Variants in MKNK2 observed in about 807,000 individuals in gnomAD.
MKNK2 encodes the protein MAP kinase-interacting serine/threonine-protein kinase 2.
MKNK2 carries 54 observed loss-of-function variants against 55.0 expected under a neutral mutation model. The observed-to-expected ratio is 0.98, with a 90% CI of 0.79 to 1.23. MKNK2 has a LOEUF of 1.23. Among genes scored for constraint, MKNK2 ranks in the 50% most tolerant of loss-of-function variants. The pLI is 0.00. For synonymous variants in MKNK2, 323 were observed against 256.0 expected (o/e 1.26, Z -2.50); for missense variants, 685 against 632.1 (o/e 1.08, Z -0.90).
At chr19:2,049,341 C>T (rs1599386876) in intron 2 of MKNK2, among the ~76,000 whole-genome samples, 3 of 152,336 alleles carry the variant, frequency 2.0e-5, no homozygotes, top group African/African-American at 7.2e-5. Flanking sequence ...GAGGTGGCCC[C>T]AATCCAGGGA....
intron 8 of MKNK2, 27 bp from the exon 9 acceptor site, chr19:2,042,689 CG>C (rs758257789): frequency 1.3e-5 from 21 of 1,556,680 alleles, no homozygotes; most frequent in Non-Finnish European, 1.8e-5. Context: ...AGAACCACGA[CG>C]GGGTGAGGGT....
At chr19:2,050,775 G>GC in intron 2 of MKNK2, 26 bp downstream of exon 2, 1 of 1,530,822 alleles carries the variant, frequency 6.5e-7, no homozygotes, top group Non-Finnish European at 8.8e-7. Flanking sequence ...AGCCCGGAGC[G>GC]CCCCCAAACC....
chr19:2,041,924 G>A lies in MKNK2; in HGVS notation c.861C>T (p.Ile287=), dbSNP rs760426883. 79 of 1,551,140 alleles carry A rather than the reference G, an allele frequency of 5.1e-5. No individual in the cohort carries two copies. In the East Asian group the frequency reaches 1.5e-3, roughly 30 times the overall value. ...CGAAGGGCGGGTAGCCGCTGAGTAG[G>A]ATATACAAGATGACGCCCAGGCTCC... is the stretch of plus-strand genomic sequence containing the variant. ...DLWSLGVILY[I]LLSGYPPFVG... is the part of the protein sequence containing the mutation. The change falls in exon 11 of 14, where the codon ATC becomes ATT. Residue 287 remains isoleucine, a synonymous_variant. Coordinates refer to ENST00000250896, the MANE Select transcript of MKNK2 (RefSeq NM_199054.3).
intron 2 of MKNK2, among the ~76,000 whole-genome samples, chr19:2,049,867 C>T (rs2017075523): frequency 1.3e-5 from 2 of 152,160 alleles, no homozygotes; most frequent in African/African-American, 4.8e-5. Flanking sequence ...CTTTGCTCCT[C>T]CCACCCTGGA....
chr19:2,039,671 C>A lies in MKNK2; in HGVS notation c.1340G>T (p.Arg447Leu), dbSNP rs769796912. The A allele has an allele frequency of 3.1e-6, 5 of 1,613,096 alleles. No individual in the cohort carries two copies. The highest frequency in any genetic ancestry group is 1.1e-5 in the South Asian group (1 of 91,078). The change falls in exon 14 of 14, where the codon CGG becomes CTG. Residue 447 changes from arginine to leucine, a missense_variant. Arg to Leu is a moderately radical substitution (Grantham distance 102). Coordinates refer to ENST00000250896, the MANE Select transcript of MKNK2 (RefSeq NM_199054.3). ...SPPSQSKLAQ[R>L]RQRASLSSAP... is the part of the protein sequence containing the mutation. ...CGAGGACAGACTGGCCCTTTGCCGCCGCTGCGCCAGCTTGGACTGGGAGGG... is the reference window on the plus strand; with the variant it reads ...CGAGGACAGACTGGCCCTTTGCCGCAGCTGCGCCAGCTTGGACTGGGAGGG...
intron 10 of MKNK2, 59 bp downstream of exon 10, chr19:2,042,368 G>T: frequency 6.9e-7 from 1 of 1,452,510 alleles, no homozygotes; most frequent in Non-Finnish European, 9.4e-7. Flanking sequence ...CAGGCTCCGC[G>T]AGGTTATGCA....
intron 10 of MKNK2, 155 bp downstream of exon 10, chr19:2,042,272 G>A: frequency 1.3e-6 from 1 of 788,576 alleles, no homozygotes; most frequent in Non-Finnish European, 2.0e-6. Context: ...CCTGCTCGAG[G>A]CCCCGCCGCG....
intron 11 of MKNK2, among the ~76,000 whole-genome samples, 192 bp downstream of exon 11, chr19:2,041,648 G>A (rs574480491): frequency 6.4e-4 from 97 of 152,264 alleles, no homozygotes; most frequent in Admixed American, 1.1e-3. Flanking sequence ...AGGGGTTAGG[G>A]GGAGTACAGA....
rs531744334 is a variant in MKNK2 at position 2,038,399 on chromosome 19, A to G, written c.*1214T>C. 1.4e-5 allele frequency: 14 copies of G among 985,430 alleles called. No individual in the cohort carries two copies. The East Asian group carries it at 1.6e-3, about 113-fold the overall frequency. 61.0% of individuals were successfully genotyped at this position (985,430 alleles called of 1,614,324 possible). A position where few individuals can be genotyped will look rare whatever the true frequency, so the allele number is the denominator to read the frequency against. On this transcript the variant is annotated 3_prime_UTR_variant, in exon 14 of 14. Transcript: ENST00000250896. ...TAGCCGCGCGCACTTCTAAAGTGGAACCCTGTATTGCATAGAACGTCCCCA... is the reference window on the plus strand; with the variant it reads ...TAGCCGCGCGCACTTCTAAAGTGGAGCCCTGTATTGCATAGAACGTCCCCA...
chr19:2,049,533 G>C (rs2017067992), intron 2 of MKNK2, among the ~76,000 whole-genome samples: 1 of 152,228 alleles, frequency 6.6e-6, no homozygotes, highest in Non-Finnish European at 1.5e-5. Flanking sequence ...ATCCTGGGCA[G>C]TGTGGGCGGT....
intron 2 of MKNK2, among the ~76,000 whole-genome samples, chr19:2,048,180 C>A (rs1005075331): frequency 6.6e-6 from 1 of 151,996 alleles, no homozygotes; most frequent in African/African-American, 2.4e-5. Flanking sequence ...CGCCTTGGGC[C>A]CTGGGGGCCA....
In MKNK2 at chr19:2,041,828, G is replaced by A; in HGVS notation, c.945+12C>T. ...GGGTGCCCAGGAGAGGAGGGTGCGC[G>A]GGCCGCCGCACCTGGCAGGCAGGGC... On this transcript the variant is annotated intron_variant, in intron 11 of 13. Transcript: ENST00000250896. The A allele has an allele frequency of 1.3e-6, 2 of 1,502,860 alleles. No individual in the cohort carries two copies. Among genetic ancestry groups the A allele is most frequent in the South Asian group, 1.3e-5 (1 of 77,900 alleles). 93.1% of individuals were successfully genotyped at this position (1,502,860 alleles called of 1,614,324 possible).
chr19:2,041,355 G>A (rs1417770138), intron 11 of MKNK2, 151 bp from the exon 12 acceptor site: 4 of 747,108 alleles, frequency 5.4e-6, no homozygotes, highest in African/African-American at 1.8e-5. Context: ...GCCGGACCAG[G>A]AGAGTCAGCT....
At chr19:2,048,267 G>A (rs1332037298) in intron 2 of MKNK2, among the ~76,000 whole-genome samples, 1 of 152,174 alleles carries the variant, frequency 6.6e-6, no homozygotes, top group Non-Finnish European at 1.5e-5. Context: ...GACCATGGGA[G>A]CAAGACCCTG....
At position 2,042,884 on chromosome 19, in the gene MKNK2, G is replaced by A; in HGVS notation, c.494-14C>T. On this transcript the variant is annotated splice_polypyrimidine_tract_variant and intron_variant, in intron 7 of 13. Coordinates refer to ENST00000250896, the MANE Select transcript of MKNK2 (RefSeq NM_199054.3). ...TCAGGATGGAGCCTGGGCAGGGCAGGGCAGGGCAGGACAGGGGGAACACGC... is the reference window on the plus strand; with the variant it reads ...TCAGGATGGAGCCTGGGCAGGGCAGAGCAGGGCAGGACAGGGGGAACACGC... 3 of 1,558,890 alleles carry A rather than the reference G, an allele frequency of 1.9e-6. No individual in the cohort carries two copies. The highest frequency in any genetic ancestry group is 2.4e-5 in the East Asian group (1 of 41,888).
At chr19:2,043,401 T>G in intron 6 of MKNK2, 102 bp downstream of exon 6, 1 of 1,193,196 alleles carries the variant, frequency 8.4e-7, no homozygotes, top group Non-Finnish European at 1.2e-6. Context: ...CCTGGGAAAC[T>G]GGGTGCCCTA....
rs1160266097 is a variant in MKNK2 at position 2,037,850 on chromosome 19, ACAAAC to A, written c.*1758_*1762del. The A allele has an allele frequency of 1.2e-4, 185 of 1,548,726 alleles. No homozygotes were observed. Among genetic ancestry groups the A allele is most frequent in the Admixed American group, 1.5e-4 (8 of 54,482 alleles). ...CCCACCTTCAGAAAAAAAAAAAAAA[ACAAAC>A]AAACAAACGCTGCTAGCCACTCAGC... On this transcript the variant is annotated 3_prime_UTR_variant, in exon 14 of 14. Transcript: ENST00000250896.
At position 2,037,579 on chromosome 19, in the gene MKNK2, T is replaced by C. The variant is rs975970127; in HGVS notation, c.*2034A>G. On this transcript the variant is annotated 3_prime_UTR_variant, in exon 14 of 14. Coordinates refer to ENST00000250896, the MANE Select transcript of MKNK2 (RefSeq NM_199054.3). ...GAGCTCCGTCAGTTCACCTGGTACA[T>C]TGGAATTAAAGTGCTTGGATGTTTT... The C allele has an allele frequency of 2.4e-5, 12 of 491,326 alleles. No homozygotes were observed. The highest frequency in any genetic ancestry group is 6.7e-5 in the East Asian group (2 of 29,680). The allele number at this position is 491,326 out of a possible 1,614,324, so 30.4% of individuals were successfully genotyped here. A position where few individuals can be genotyped will look rare whatever the true frequency, so the allele number is the denominator to read the frequency against.
chr19:2,037,700 G>C lies in MKNK2; in HGVS notation c.*1913C>G. On this transcript the variant is annotated 3_prime_UTR_variant, in exon 14 of 14. Transcript: ENST00000250896. Reference sequence around the variant, plus strand: ...ACATGGCCGTTCACCGTCCCCCAGCGATGGGAGCTGGCCTGGGGCCCAGGG... The same window carrying C: ...ACATGGCCGTTCACCGTCCCCCAGCCATGGGAGCTGGCCTGGGGCCCAGGG... 7.2e-7 allele frequency: 1 copy of C among 1,384,556 alleles called. No individual in the cohort carries two copies. Among genetic ancestry groups the C allele is most frequent in the South Asian group, 1.5e-5 (1 of 65,202 alleles). 85.8% of individuals were successfully genotyped at this position (1,384,556 alleles called of 1,614,324 possible). A position where few individuals can be genotyped will look rare whatever the true frequency, so the allele number is the denominator to read the frequency against.
Sources: allele counts gnomAD v4.1 joint callset (sites outside exome capture counted in the v4.1 genomes callset), GRCh38; gene constraint gnomAD v4.1.1; transcripts MANE v1.5; gene names NCBI Gene and HGNC (gene_info 2026-07-23, HGNC 2026-07-21).